Variants in GGTA1 observed in about 807,000 individuals in gnomAD.
GGTA1 encodes the protein glycoprotein alpha-galactosyltransferase 1 (inactive), also known as inactive N-acetyllactosaminide alpha-1,3-galactosyltransferase.
A neutral mutation model predicts 2.6 loss-of-function variants in GGTA1; 5 were observed. The ratio of observed to expected loss-of-function variants is 1.92; its 90% CI spans 1.00 to 4.04. GGTA1 has a LOEUF of 4.04. Among genes scored for constraint, GGTA1 ranks in the 30% most tolerant of loss-of-function variants. The pLI is 0.00. For missense variants in GGTA1, 50 were observed against 16.7 expected, an observed-to-expected ratio of 2.99 and a Z score of -3.47; for synonymous variants, 17 against 5.0, an observed-to-expected ratio of 3.38 and a Z score of -3.19.
At chr9:121,498,870 C>T (rs370679005) in intron 1 of GGTA1, among the ~76,000 whole-genome samples, 25 of 151,328 alleles carry the variant, frequency 1.7e-4, no homozygotes, top group African/African-American at 6.1e-4. Context: ...TGCGCGCTGA[C>T]ATTTTTTTCT....
At chr9:121,454,806 A>G (rs1348739354), downstream of GGTA1, among the ~76,000 whole-genome samples, 1 of 152,202 alleles carries the variant, frequency 6.6e-6, no homozygotes, top group African/African-American at 2.4e-5. Flanking sequence ...TGAGATCAGG[A>G]GTTCAAGACC....
intron 1 of GGTA1, among the ~76,000 whole-genome samples, chr9:121,492,346 C>T (rs1383453103): frequency 6.6e-6 from 1 of 152,158 alleles, no homozygotes; most frequent in African/African-American, 2.4e-5. Context: ...GGGAAACGGT[C>T]CCACAGTACC....
intron 5 of GGTA1, among the ~76,000 whole-genome samples, chr9:121,458,734 G>A (rs977862588): frequency 6.6e-6 from 1 of 152,096 alleles, no homozygotes; most frequent in Non-Finnish European, 1.5e-5. Flanking sequence ...CATGCAAGGG[G>A]AAGAGTGAAG....
chr9:121,453,924 C>T (rs865815112), downstream of GGTA1, among the ~76,000 whole-genome samples: 13 of 152,180 alleles, frequency 8.5e-5, no homozygotes, highest in African/African-American at 1.7e-4. Context: ...TGTCCCCAAA[C>T]GCTGCACCCT....
chr9:121,445,002 A>T (rs1485636040), exon 8 of GGTA1: 1 of 152,236 alleles, frequency 6.6e-6, no homozygotes, highest in Non-Finnish European at 1.5e-5. Context: ...CTGAGAAAGT[A>T]ATTTATTTAA....
At chr9:121,445,034 A>T (rs981851826) in exon 8 of GGTA1, 6 of 152,234 alleles carry the variant, frequency 3.9e-5, no homozygotes, top group South Asian at 2.1e-4. Context: ...GACATTTTTT[A>T]AAAAGTTTAG....
Position 121,455,585 on chromosome 9 carries a change from AATT to A in GGTA1, c.*249_*251del, listed in dbSNP as rs1249059791. 1 of 165,506 alleles carries A rather than the reference AATT, an allele frequency of 6.0e-6. No individual in the cohort carries two copies. Among genetic ancestry groups the A allele is most frequent in the Non-Finnish European group, 1.3e-5 (1 of 75,058 alleles). 10.3% of individuals were successfully genotyped at this position (165,506 alleles called of 1,614,324 possible). ...AAGGGTATGGAGCCTTTTGCCATTTAATTTATATAAAAGACCCAACTGGAGTGT... is the reference window on the plus strand; with the variant it reads ...AAGGGTATGGAGCCTTTTGCCATTTATATATAAAAGACCCAACTGGAGTGT... On this transcript the variant is annotated 3_prime_UTR_variant, in exon 6 of 6. Transcript: ENST00000481799.
chr9:121,446,465 T>C (rs2064852711), exon 8 of GGTA1: 1 of 152,268 alleles, frequency 6.6e-6, no homozygotes, highest in South Asian at 2.1e-4. Context: ...ATGGTGTCTT[T>C]ACTGAGAGTT....
chr9:121,445,245 A>G (rs1325589311), exon 8 of GGTA1: 1 of 152,202 alleles, frequency 6.6e-6, no homozygotes, highest in Non-Finnish European at 1.5e-5. Flanking sequence ...CAACCTGACT[A>G]ATAGAGAAGC....
At chr9:121,461,822 G>A (rs139837450) in intron 3 of GGTA1, among the ~76,000 whole-genome samples, 223 of 152,306 alleles carry the variant, frequency 1.5e-3, no homozygotes, top group African/African-American at 5.0e-3. Context: ...ATGAAAAACC[G>A]ATGCATGTTT....
chr9:121,485,563 G>A lies in GGTA1; in HGVS notation c.-10+14087C>T, dbSNP rs560590548. ...ATGTAGTCAGTGCTGAGTGGATGGCGGTGTATAGGAAAGCAGTGGGGTGAA... is the reference window on the plus strand; with the variant it reads ...ATGTAGTCAGTGCTGAGTGGATGGCAGTGTATAGGAAAGCAGTGGGGTGAA... On this transcript the variant is annotated intron_variant, in intron 1 of 5. Coordinates refer to ENST00000481799, the MANE Select transcript of GGTA1 (RefSeq NM_001382585.1). Among the ~76,000 whole-genome samples the A allele has an allele frequency of 1.6e-4, 25 of 152,236 alleles. No individual in the cohort carries two copies. In the South Asian group the frequency reaches 3.9e-3, roughly 24 times the overall value.
chr9:121,472,801 C>T (rs1328408786), intron 1 of GGTA1, among the ~76,000 whole-genome samples: 1 of 152,154 alleles, frequency 6.6e-6, no homozygotes, highest in East Asian at 1.9e-4. Context: ...GAACGTTAGG[C>T]AGAGAAAGGT....
chr9:121,498,373 C>G (rs755876617), intron 1 of GGTA1, among the ~76,000 whole-genome samples: 1 of 152,184 alleles, frequency 6.6e-6, no homozygotes, highest in Admixed American at 6.5e-5. Context: ...GCAAAATTCA[C>G]CCAGATGTAA....
intron 1 of GGTA1, among the ~76,000 whole-genome samples, chr9:121,479,590 C>T (rs1828590939): frequency 6.6e-6 from 1 of 152,090 alleles, no homozygotes; most frequent in African/African-American, 2.4e-5. Context: ...AGAGGGACAC[C>T]AAGGGGGCCC....
intron 1 of GGTA1, among the ~76,000 whole-genome samples, chr9:121,473,309 G>A (rs1215974917): frequency 1.0e-5 from 1 of 97,456 alleles, no homozygotes; most frequent in Non-Finnish European, 1.9e-5. Flanking sequence ...GACAGAGCAA[G>A]ACTCCATCTC....
chr9:121,445,952 C>T (rs1352282221), exon 8 of GGTA1: 2 of 152,214 alleles, frequency 1.3e-5, no homozygotes, highest in Admixed American at 6.5e-5. Context: ...CAATCCACTG[C>T]AGGCCTTTGC....
At chr9:121,496,172 G>T (rs1828988464) in intron 1 of GGTA1, among the ~76,000 whole-genome samples, 1 of 152,206 alleles carries the variant, frequency 6.6e-6, no homozygotes, top group African/African-American at 2.4e-5. Context: ...ATGTGTATCA[G>T]TTAGCTTTTG....
At chr9:121,489,065 T>C (rs915218378) in intron 1 of GGTA1, among the ~76,000 whole-genome samples, 4 of 152,230 alleles carry the variant, frequency 2.6e-5, no homozygotes, top group Admixed American at 6.5e-5. Flanking sequence ...TGTTAAATTT[T>C]CAAGAATTTG....
chr9:121,486,644 C>T (rs1281147042), intron 1 of GGTA1, among the ~76,000 whole-genome samples: 2 of 152,186 alleles, frequency 1.3e-5, no homozygotes, highest in African/African-American at 4.8e-5. Context: ...GTGTCTCAGT[C>T]CCAAGTCTCT....
Sources: allele counts gnomAD v4.1 joint callset (sites outside exome capture counted in the v4.1 genomes callset), GRCh38; gene constraint gnomAD v4.1.1; transcripts MANE v1.5; gene names NCBI Gene and HGNC (gene_info 2026-07-23, HGNC 2026-07-21).